Variants in CDAN1 observed in about 807,000 individuals in gnomAD.
The protein encoded by CDAN1 is codanin-1.
A neutral mutation model predicts 139.8 loss-of-function variants in CDAN1; 107 were observed. That is an observed-to-expected ratio of 0.77 (90% CI 0.65 to 0.90). The LOEUF is 0.90. Among genes scored for constraint, CDAN1 ranks in the 40% least tolerant of loss-of-function variants. The pLI is 0.00. For synonymous variants in CDAN1, 776 were observed against 660.6 expected (o/e 1.17, Z -2.68); for missense variants, 1,667 against 1,575.7 (o/e 1.06, Z -0.98).
At position 42,725,143 on chromosome 15, in the gene CDAN1, C is replaced by G; in HGVS notation, c.3558+1G>C. 2 of 1,611,226 alleles carry G rather than the reference C, an allele frequency of 1.2e-6. No homozygotes were observed. The highest frequency in any genetic ancestry group is 1.7e-6 in the Non-Finnish European group (2 of 1,177,366). On this transcript the variant is annotated splice_donor_variant, in intron 27 of 27. Coordinates refer to ENST00000356231, the MANE Select transcript of CDAN1 (RefSeq NM_138477.4). LOFTEE classifies it high-confidence loss of function. ...CACCTAAAAGACAGGAGACTCCTTA[C>G]CCCTGGCCACTGGGCCTGGTGGAGG...
At chr15:42,734,416 A>G in intron 6 of CDAN1, 70 bp from the exon 7 acceptor site, 3 of 1,591,344 alleles carry the variant, frequency 1.9e-6, no homozygotes, top group Non-Finnish European at 2.6e-6. Context: ...GCACCTGCAC[A>G]CCACAGAGGA....
Position 42,735,190 on chromosome 15 carries a change from G to A in CDAN1, c.1058-12C>T. 6.2e-7 allele frequency: 1 copy of A among 1,610,688 alleles called. No individual in the cohort carries two copies. Among genetic ancestry groups the A allele is most frequent in the Non-Finnish European group, 8.5e-7 (1 of 1,177,036 alleles). Reference sequence around the variant, plus strand: ...ACTTTCCAGGGAATCTAGAAGGACAGTACCAAGCTGTCAGTTAAGAACGGT... The same window carrying A: ...ACTTTCCAGGGAATCTAGAAGGACAATACCAAGCTGTCAGTTAAGAACGGT... On this transcript the variant is annotated splice_polypyrimidine_tract_variant and intron_variant, in intron 5 of 27. Coordinates refer to ENST00000356231, the MANE Select transcript of CDAN1 (RefSeq NM_138477.4).
In CDAN1 at chr15:42,734,334, G is replaced by T. The variant is rs149259172; in HGVS notation, c.1149C>A (p.Asn383Lys). The change falls in exon 7 of 28, where the codon AAC (asparagine) becomes AAA (lysine). Residue 383 changes from asparagine (N) to lysine (K), a missense_variant. Physicochemically the swap from Asn to Lys is moderately conservative, Grantham distance 94. This residue lies in a region of CDAN1 where 244 missense variants were observed against 309.4 expected (regional missense o/e 0.79). Transcript: ENST00000356231. ...GCAGCTTCAAGGTCCCTTTGTCCAG[G>T]TTGGAAAGAACCCTGCAGGGACAAG... ...VLECHFQVLS[N>K]LDKGTLKLLA... The T allele has an allele frequency of 6.8e-6, 11 of 1,614,030 alleles. No individual in the cohort carries two copies. The African/African-American group carries it at 1.3e-4, about 20-fold the overall frequency.
chr15:42,736,918 GC>G, intron 1 of CDAN1, 94 bp downstream of exon 1: 1 of 1,469,330 alleles, frequency 6.8e-7, no homozygotes, highest in Non-Finnish European at 9.1e-7. Flanking sequence ...GGCCCGGCTG[GC>G]AGCCAGGCGC....
At chr15:42,730,791 G>C (rs772528771) in intron 13 of CDAN1, 27 bp from the exon 14 acceptor site, 1 of 1,612,650 alleles carries the variant, frequency 6.2e-7, no homozygotes, top group South Asian at 1.1e-5. Flanking sequence ...TCAGTCAGGG[G>C]GCAGGTCCCT....
Position 42,730,162 on chromosome 15 carries a change from A to G in CDAN1, c.2228T>C (p.Leu743Pro). Residue 743 changes from leucine to proline, a missense_variant, in exon 15 of 28, where the codon CTG (leucine) becomes CCG (proline). Leu to Pro is a moderately conservative substitution (Grantham distance 98). This residue lies in a region of CDAN1 where 936 missense variants were observed against 844.1 expected (regional missense o/e 1.11). Coordinates refer to ENST00000356231, the MANE Select transcript of CDAN1 (RefSeq NM_138477.4). ...CCAGCCCAGGACAGCAAGTAGCAGC[A>G]GCTTGTTCAGGAAACACATCTTCCC... The part of the protein sequence containing the change: ...SEGKMCFLNK[L>P]LLLAVLGWLF... 6.2e-7 allele frequency: 1 copy of G among 1,614,218 alleles called. No individual in the cohort carries two copies.
At position 42,732,021 on chromosome 15, in the gene CDAN1, C is replaced by T. The variant is rs541272144; in HGVS notation, c.1534-196G>A. 2.0e-5 allele frequency among the ~76,000 whole-genome samples: 3 copies of T among 152,320 alleles called. No homozygotes were observed. The South Asian group carries it at 6.2e-4, about 32-fold the overall frequency. On this transcript the variant is annotated intron_variant, in intron 10 of 27. Coordinates refer to ENST00000356231, the MANE Select transcript of CDAN1 (RefSeq NM_138477.4). ...CTTAAATTCCAAGGTTAAGCATGTG[C>T]CTAGGGTCACTAGAGCTAGGATCTG...
At chr15:42,725,395 G>GAAAT (rs2140457677) in intron 26 of CDAN1, 94 bp downstream of exon 26, 5 of 1,531,894 alleles carry the variant, frequency 3.3e-6, no homozygotes, top group South Asian at 2.2e-5. Flanking sequence ...ACAGGAAGGG[G>GAAAT]AAATAAAGGA....
Position 42,723,707 on chromosome 15 carries a change from T to C in CDAN1, c.*784A>G, listed in dbSNP as rs2061488093. Reference sequence around the variant, plus strand: ...TTTCAGTTGGTTGAGTCCTACCTTATCTGTTTGTTAGGCTTTTTCTAGAAA... The same window carrying C: ...TTTCAGTTGGTTGAGTCCTACCTTACCTGTTTGTTAGGCTTTTTCTAGAAA... On this transcript the variant is annotated 3_prime_UTR_variant, in exon 28 of 28. Transcript: ENST00000356231. 1 of 152,548 alleles carries C rather than the reference T, an allele frequency of 6.6e-6. No homozygotes were observed. The highest frequency in any genetic ancestry group is 2.4e-5 in the African/African-American group (1 of 41,400). The allele number at this position is 152,548 out of a possible 1,614,324, so 9.4% of individuals were successfully genotyped here.
intron 16 of CDAN1, 80 bp from the exon 17 acceptor site, chr15:42,729,702 A>G (rs1237434590): frequency 3.4e-5 from 54 of 1,593,768 alleles, no homozygotes; most frequent in Non-Finnish European, 4.0e-5. Flanking sequence ...GGGCCTTTAC[A>G]AGGGTTACAT....
Position 42,735,614 on chromosome 15 carries a change from G to C in CDAN1, c.839C>G (p.Pro280Arg). The C allele has an allele frequency of 6.2e-7, 1 of 1,614,188 alleles. No individual in the cohort carries two copies. The highest frequency in any genetic ancestry group is 1.1e-5 in the South Asian group (1 of 91,090). The change falls in exon 4 of 28, where the codon CCC becomes CGC. Residue 280 changes from proline (P) to arginine (R), a missense_variant. By Grantham distance (103) the Pro-to-Arg change is moderately radical. Transcript: ENST00000356231. ...ATCTGTGAGGCTTCCTGTCCGGCTG[G>C]GGAGGGGCGACCCCAATTCTGGGGT... ...CPTPELGSPL[P>R]SRTGSLTDEP...
rs1263578603 is a variant in CDAN1 at position 42,726,179 on chromosome 15, G to GGAAA, written c.3205-23_3205-20dup. ...ACAGGAACTGCGGTTGGGGTGGGGG[G>GGAAA]GAAAGAGAGACCATAGGTATCACCA... On this transcript the variant is annotated intron_variant, in intron 24 of 27. Coordinates refer to ENST00000356231, the MANE Select transcript of CDAN1 (RefSeq NM_138477.4). 2.5e-6 allele frequency: 4 copies of GGAAA among 1,613,730 alleles called. No homozygotes were observed. The highest frequency in any genetic ancestry group is 3.4e-6 in the Non-Finnish European group (4 of 1,179,676).
Position 42,723,634 on chromosome 15 carries a change from A to G in CDAN1, c.*857T>C, listed in dbSNP as rs921265026. ...GGTCCCTGGTCAGGGAGAGGTCTCA[A>G]GAGGTTACTACCTGCACAGGGGCTG... On this transcript the variant is annotated 3_prime_UTR_variant, in exon 28 of 28. Coordinates refer to ENST00000356231, the MANE Select transcript of CDAN1 (RefSeq NM_138477.4). 12 of 152,272 alleles carry G rather than the reference A, an allele frequency of 7.9e-5. No homozygotes were observed. Among genetic ancestry groups the G allele is most frequent in the Admixed American group, 3.3e-4 (5 of 15,286 alleles). 9.4% of individuals were successfully genotyped at this position (152,272 alleles called of 1,614,324 possible).
Position 42,723,604 on chromosome 15 carries a change from T to G in CDAN1, c.*887A>C, listed in dbSNP as rs2061486875. The G allele has an allele frequency of 6.6e-6, 1 of 152,242 alleles. No individual in the cohort carries two copies. Among genetic ancestry groups the G allele is most frequent in the South Asian group, 2.1e-4 (1 of 4,828 alleles). The allele number at this position is 152,242 out of a possible 1,614,324, so 9.4% of individuals were successfully genotyped here. A position where few individuals can be genotyped will look rare whatever the true frequency, so the allele number is the denominator to read the frequency against. On this transcript the variant is annotated 3_prime_UTR_variant, in exon 28 of 28. Transcript: ENST00000356231. Reference sequence around the variant, plus strand: ...ATTCTAAAAAGCTCTAAATGCCCTGTGCTTGGTCCCTGGTCAGGGAGAGGT... The same window carrying G: ...ATTCTAAAAAGCTCTAAATGCCCTGGGCTTGGTCCCTGGTCAGGGAGAGGT...
At chr15:42,731,904 G>A (rs890453711) in intron 10 of CDAN1, 79 bp from the exon 11 acceptor site, 16 of 1,290,702 alleles carry the variant, frequency 1.2e-5, no homozygotes, top group Non-Finnish European at 1.8e-5. Context: ...TAAGGAGAAA[G>A]TAATGAACAT....
At chr15:42,725,328 G>A (rs2061510310) in intron 26 of CDAN1, 77 bp from the exon 27 acceptor site, 2 of 1,499,344 alleles carry the variant, frequency 1.3e-6, no homozygotes. Context: ...GATCTCAAAG[G>A]GCAGAGCTGC....
Position 42,726,165 on chromosome 15 carries a change from G to C in CDAN1, c.3205-5C>G, listed in dbSNP as rs772939236. On this transcript the variant is annotated splice_polypyrimidine_tract_variant and splice_region_variant and intron_variant, in intron 24 of 27. Coordinates refer to ENST00000356231, the MANE Select transcript of CDAN1 (RefSeq NM_138477.4). Reference sequence around the variant, plus strand: ...CTCAGCAGGTGGGCACAGGAACTGCGGTTGGGGTGGGGGGGAAAGAGAGAC... The same window carrying C: ...CTCAGCAGGTGGGCACAGGAACTGCCGTTGGGGTGGGGGGGAAAGAGAGAC... 2 of 1,614,066 alleles carry C rather than the reference G, an allele frequency of 1.2e-6. No homozygotes were observed. Among genetic ancestry groups the C allele is most frequent in the Non-Finnish European group, 1.7e-6 (2 of 1,179,968 alleles).
chr15:42,729,568 C>G lies in CDAN1; in HGVS notation c.2407G>C (p.Gly803Arg). ...QLLYTCCPYI[G>R]ELRKLLASWV... The stretch of plus-strand genomic sequence containing the variant: ...CCGTCCAGGGAAGACCGGTGCTCAC[C>G]GATGTAGGGGCAGCAGGTGTAGAGC... The change falls in exon 17 of 28, where the codon GGA (glycine) becomes CGA (arginine). Residue 803 changes from glycine (G) to arginine (R), a missense_variant and splice_region_variant. Gly to Arg is a moderately radical substitution (Grantham distance 125). Coordinates refer to ENST00000356231, the MANE Select transcript of CDAN1 (RefSeq NM_138477.4). The G allele has an allele frequency of 6.2e-7, 1 of 1,614,124 alleles. No homozygotes were observed. The highest frequency in any genetic ancestry group is 1.1e-5 in the South Asian group (1 of 91,068).
chr15:42,726,413 A>G lies in CDAN1; in HGVS notation c.3101T>C (p.Val1034Ala), dbSNP rs1399872802. Reference sequence around the variant, plus strand: ...CCGTGGCCCCACGGCCAAGGAGAGCACGTCCTGTGAAGAGCAGGGGGAGAT... The same window carrying G: ...CCGTGGCCCCACGGCCAAGGAGAGCGCGTCCTGTGAAGAGCAGGGGGAGAT... ...PSHLISEIKD[V>A]LSLAVGPRDP... The change falls in exon 24 of 28, where the codon GTG becomes GCG. Residue 1034 changes from valine to alanine, a missense_variant. Transcript: ENST00000356231. 1.3e-6 allele frequency: 2 copies of G among 1,590,222 alleles called. No homozygotes were observed. The highest frequency in any genetic ancestry group is 1.7e-6 in the Non-Finnish European group (2 of 1,168,272).
Sources: gnomAD v4.1 joint callset for allele counts (sites outside exome capture counted in the v4.1 genomes callset) on GRCh38, gnomAD v4.1.1 for gene constraint, gnomAD v4.1.1 regional missense constraint, MANE v1.5 for transcripts, NCBI Gene and HGNC (gene_info 2026-07-23, HGNC 2026-07-21) for gene names.